Variants in ZZEF1 observed in about 807,000 individuals in gnomAD.
The protein encoded by ZZEF1 is zinc finger ZZ-type and EF-hand domain containing 1, also known as zinc finger ZZ-type and EF-hand domain-containing protein 1.
ZZEF1 carries 157 observed loss-of-function variants against 342.8 expected under a neutral mutation model. The ratio of observed to expected loss-of-function variants is 0.46; its 90% CI spans 0.40 to 0.52. ZZEF1 has a LOEUF of 0.52. ZZEF1 is among the 20% of genes least tolerant of loss of function. The probability of loss-of-function intolerance (pLI) is 0.00; values close to 1 mark genes in which losing one functional copy is unlikely to be tolerated. For missense variants in ZZEF1, 3,480 were observed against 3,725.6 expected (o/e 0.93, Z 1.72); for synonymous variants, 1,505 against 1,429.1 (o/e 1.05, Z -1.20).
At chr17:4,079,632 C>T (rs746266823) in intron 18 of ZZEF1, among the ~76,000 whole-genome samples, 1 of 152,128 alleles carries the variant, frequency 6.6e-6, no homozygotes, top group Non-Finnish European at 1.5e-5. Context: ...ATAAAGTCAA[C>T]GTTACCCTAG....
Position 4,117,084 on chromosome 17 carries a change from C to A in ZZEF1, c.582G>T (p.Arg194=), listed in dbSNP as rs765914968. 2.5e-5 allele frequency: 40 copies of A among 1,614,130 alleles called. No individual in the cohort carries two copies. The highest frequency in any genetic ancestry group is 3.3e-5 in the Admixed American group (2 of 60,032). Residue 194 remains arginine (R), a synonymous_variant, in exon 3 of 55, where the codon CGG becomes CGT. Coordinates refer to ENST00000381638, the MANE Select transcript of ZZEF1 (RefSeq NM_015113.4). The stretch of plus-strand genomic sequence containing the variant: ...GGTAGGGCATCACCGCGCTGGAGAG[C>A]CGATTGCGGTGCAGGAAGCGCAGTA... The part of the protein sequence containing the change: ...SMILRFLHRN[R]LSSAVMPYPM...
chr17:4,108,009 T>C (rs2058239702), intron 6 of ZZEF1, among the ~76,000 whole-genome samples: 1 of 152,252 alleles, frequency 6.6e-6, no homozygotes, highest in South Asian at 2.1e-4. Flanking sequence ...CAGGATAACA[T>C]AAGCATCAAA....
At chr17:4,122,298 T>C (rs1484058816) in intron 2 of ZZEF1, among the ~76,000 whole-genome samples, 1 of 152,092 alleles carries the variant, frequency 6.6e-6, no homozygotes, top group Admixed American at 6.6e-5. Flanking sequence ...AAAAAACAAA[T>C]GTTAATTTTA....
In ZZEF1 at chr17:4,076,760, C is replaced by T; in HGVS notation, c.3112-1G>A. 6.2e-7 allele frequency: 1 copy of T among 1,605,268 alleles called. No homozygotes were observed. Among genetic ancestry groups the T allele is most frequent in the Non-Finnish European group, 8.5e-7 (1 of 1,175,546 alleles). ...TGCAGAAGTCCAGCAGGAAGATAAC[C>T]TAATGGAAGATGGATGAAGCACTCA... On this transcript the variant is annotated splice_acceptor_variant, in intron 20 of 54. Coordinates refer to ENST00000381638, the MANE Select transcript of ZZEF1 (RefSeq NM_015113.4). LOFTEE classifies it high-confidence loss of function.
At chr17:4,087,027 G>A (rs1039622254) in intron 14 of ZZEF1, among the ~76,000 whole-genome samples, 1 of 152,102 alleles carries the variant, frequency 6.6e-6, no homozygotes, top group African/African-American at 2.4e-5. Flanking sequence ...GATTACAGGT[G>A]CCCACCACCA....
chr17:4,017,336 TG>T lies in ZZEF1; in HGVS notation c.8001+34del, dbSNP rs2056133199. On this transcript the variant is annotated intron_variant, in intron 48 of 54. Transcript: ENST00000381638. The surrounding 1 kb of genome is among the most constrained non-coding windows in gnomAD (Gnocchi z 5.1). Reference sequence around the variant, plus strand: ...AAGCCTGTGGGGCAGAGGAAGAACCTGGTGGGTGAGCACAAGCTCAGTCTGC... The same window carrying T: ...AAGCCTGTGGGGCAGAGGAAGAACCTGTGGGTGAGCACAAGCTCAGTCTGC... The T allele has an allele frequency of 6.4e-6, 10 of 1,550,576 alleles. No homozygotes were observed. In the African/African-American group the frequency reaches 1.3e-4, roughly 21 times the overall value.
Position 4,014,538 on chromosome 17 carries a change from A to G in ZZEF1, c.8146-23T>C, listed in dbSNP as rs779329772. 4 of 1,613,132 alleles carry G rather than the reference A, an allele frequency of 2.5e-6. No individual in the cohort carries two copies. Among genetic ancestry groups the G allele is most frequent in the Non-Finnish European group, 3.4e-6 (4 of 1,179,390 alleles). On this transcript the variant is annotated intron_variant, in intron 49 of 54. Transcript: ENST00000381638. The surrounding 1 kb of genome is among the most constrained non-coding windows in gnomAD (Gnocchi z 4.4). ...ATCCTAGGGAGGGGAAATGGAGAAC[A>G]CATCTGTCGATGCTGCTCACTAGAC...
intron 1 of ZZEF1, among the ~76,000 whole-genome samples, chr17:4,133,653 T>C (rs919773455): frequency 2.0e-5 from 3 of 151,916 alleles, no homozygotes; most frequent in African/African-American, 7.3e-5. Context: ...CCCACACAAC[T>C]CCTGCTGTGT....
At chr17:4,057,146 C>T (rs1158399955) in intron 32 of ZZEF1, among the ~76,000 whole-genome samples, 5 of 152,240 alleles carry the variant, frequency 3.3e-5, no homozygotes, top group Admixed American at 1.3e-4. Context: ...AAAGGGCGCG[C>T]TTCCTTCCCT....
At chr17:4,131,334 C>T (rs982656149) in intron 1 of ZZEF1, among the ~76,000 whole-genome samples, 2 of 151,970 alleles carry the variant, frequency 1.3e-5, no homozygotes, top group African/African-American at 4.8e-5. Context: ...GATAGAATGC[C>T]AATGTGTTTA....
rs2058140139 is a variant in ZZEF1 at position 4,102,320 on chromosome 17, C to T, written c.1669G>A (p.Asp557Asn). ...AACAGACAGACCCACCACTCACCAT[C>T]CCTTGTCCACGGTTCAACAAGGAGG... ...ENLLVEPWTR[D>N]GFLTETGKTR... Residue 557 changes from aspartate (D) to asparagine (N), a missense_variant, in exon 9 of 55, where the codon GAT (aspartate) becomes AAT (asparagine). Physicochemically the swap from Asp to Asn is conservative, Grantham distance 23 (BLOSUM62 1). This residue lies in a region of ZZEF1 where 1,528 missense variants were observed against 1,624.1 expected (regional missense o/e 0.94). Transcript: ENST00000381638. The T allele has an allele frequency of 1.2e-6, 2 of 1,613,164 alleles. No homozygotes were observed. The highest frequency in any genetic ancestry group is 1.7e-5 in the Admixed American group (1 of 59,978).
At chr17:4,074,060 A>G (rs2057560313) in intron 24 of ZZEF1, 90 bp downstream of exon 24, 1 of 1,428,176 alleles carries the variant, frequency 7.0e-7, no homozygotes, top group South Asian at 1.2e-5. Flanking sequence ...ACCCCCTGCC[A>G]TTACGTGGAA....
chr17:4,100,936 T>G (rs1028221136), intron 9 of ZZEF1, among the ~76,000 whole-genome samples: 16 of 152,014 alleles, frequency 1.1e-4, no homozygotes, highest in African/African-American at 3.6e-4. Context: ...GCAGAGGGCC[T>G]TTGGCAGGGT....
intron 1 of ZZEF1, among the ~76,000 whole-genome samples, chr17:4,128,919 C>T (rs1597937010): frequency 6.6e-6 from 1 of 151,696 alleles, no homozygotes; most frequent in African/African-American, 2.4e-5. Context: ...CAAGCATGCG[C>T]CACCACGCCC....
intron 39 of ZZEF1, among the ~76,000 whole-genome samples, chr17:4,039,506 C>A (rs2056752375): frequency 6.6e-6 from 1 of 151,768 alleles, no homozygotes. Context: ...ATCCGCCCTG[C>A]ATCCAGGAGA....
At position 4,006,053 on chromosome 17, in the gene ZZEF1, A is replaced by C. The variant is rs1224962344; in HGVS notation, c.*837T>G. The C allele has an allele frequency of 6.6e-6, 1 of 152,234 alleles. No homozygotes were observed. The highest frequency in any genetic ancestry group is 1.5e-5 in the Non-Finnish European group (1 of 68,058). The allele number at this position is 152,234 out of a possible 1,614,324, so 9.4% of individuals were successfully genotyped here. A position where few individuals can be genotyped will look rare whatever the true frequency, so the allele number is the denominator to read the frequency against. ...TGTGGGTTTTTACTCTTAAAATAAG[A>C]TATCCTCTGATCATCTTCACGGTAC... On this transcript the variant is annotated 3_prime_UTR_variant, in exon 55 of 55. Transcript: ENST00000381638.
intron 2 of ZZEF1, among the ~76,000 whole-genome samples, chr17:4,123,567 G>A (rs2058524946): frequency 6.6e-6 from 1 of 152,002 alleles, no homozygotes; most frequent in Admixed American, 6.6e-5. Context: ...ATTGAATAAT[G>A]AATTGATCAA....
At chr17:4,029,436 C>T (rs1054608867) in intron 42 of ZZEF1, among the ~76,000 whole-genome samples, 2 of 149,364 alleles carry the variant, frequency 1.3e-5, no homozygotes, top group African/African-American at 5.0e-5. Flanking sequence ...ATGAAAATGA[C>T]AATATATCAT....
chr17:4,017,822 G>A lies in ZZEF1; in HGVS notation c.7641+14C>T. 2 of 1,614,184 alleles carry A rather than the reference G, an allele frequency of 1.2e-6. No individual in the cohort carries two copies. Among genetic ancestry groups the A allele is most frequent in the Non-Finnish European group, 8.5e-7 (1 of 1,180,048 alleles). ...GGGGTGCAGATACTTTGGGTCCGAG[G>A]TCGGGTGACATACCAAGCATGGCAG... On this transcript the variant is annotated intron_variant, in intron 47 of 54. Coordinates refer to ENST00000381638, the MANE Select transcript of ZZEF1 (RefSeq NM_015113.4). This position sits in a 1 kb window ranked among gnomAD's most constrained non-coding sequence, Gnocchi z 5.1.
Sources: gnomAD v4.1 joint callset for allele counts (sites outside exome capture counted in the v4.1 genomes callset) on GRCh38, gnomAD v4.1.1 for gene constraint, gnomAD v4.1.1 regional missense constraint, Gnocchi (gnomAD v3.1) non-coding constraint, MANE v1.5 for transcripts, NCBI Gene and HGNC (gene_info 2026-07-23, HGNC 2026-07-21) for gene names.